The following KIF21B variants were observed in gnomAD, a reference collection of about 807,000 sequenced individuals.
KIF21B encodes the protein kinesin-like protein KIF21B.
KIF21B carries 85 observed loss-of-function variants against 192.9 expected under a neutral mutation model. That is an observed-to-expected ratio of 0.44 (90% CI 0.37 to 0.53). The LOEUF (loss-of-function observed/expected upper bound fraction) is 0.53, where lower values mean the gene tolerates loss of function less well. KIF21B is among the 20% of genes least tolerant of loss of function. KIF21B has a pLI of 0.00. For synonymous variants in KIF21B, 832 were observed against 884.6 expected (o/e 0.94, Z 1.05); for missense variants, 1,716 against 2,194.8 (o/e 0.78, Z 4.36).
Position 200,973,225 on chromosome 1 carries a change from C to G in KIF21B, c.*296G>C, listed in dbSNP as rs1449702221. On this transcript the variant is annotated 3_prime_UTR_variant, in exon 35 of 35. Coordinates refer to ENST00000461742, the MANE Select transcript of KIF21B (RefSeq NM_001252102.2). ...TGAGAAAGGGGCAGAGCCGGTTCAG[C>G]AGGAGACAATGTGGCCACGACTGCC... The G allele has an allele frequency of 2.8e-6, 1 of 355,116 alleles. No individual in the cohort carries two copies. The highest frequency in any genetic ancestry group is 4.9e-5 in the Admixed American group (1 of 20,572). The allele number at this position is 355,116 out of a possible 1,614,324, so 22.0% of individuals were successfully genotyped here. A position where few individuals can be genotyped will look rare whatever the true frequency, so the allele number is the denominator to read the frequency against.
chr1:200,987,057 C>T lies in KIF21B; in HGVS notation c.3553G>A (p.Asp1185Asn). The T allele has an allele frequency of 3.1e-6, 5 of 1,614,050 alleles. No individual in the cohort carries two copies. Among genetic ancestry groups the T allele is most frequent in the Non-Finnish European group, 4.2e-6 (5 of 1,180,018 alleles). ...KEDGVGFSVR[D>N]PYYRDRVSRT... ...GAGACCCTGTCCCGGTAATAGGGGT[C>T]TCGGACAGAGAAGCCCACTCCGTCC... Residue 1185 changes from aspartate (D) to asparagine (N), a missense_variant, in exon 25 of 35, where the codon GAC (aspartate) becomes AAC (asparagine). By Grantham distance (23) the Asp-to-Asn change is conservative (BLOSUM62 1). Coordinates refer to ENST00000461742, the MANE Select transcript of KIF21B (RefSeq NM_001252102.2).
At chr1:200,976,934 A>T in intron 31 of KIF21B, 41 bp from the exon 32 acceptor site, 3 of 1,484,726 alleles carry the variant, frequency 2.0e-6, no homozygotes, top group Non-Finnish European at 2.8e-6. Context: ...GGTGAATTAG[A>T]GGGGACCCTG....
At position 200,989,933 on chromosome 1, in the gene KIF21B, C is replaced by A. The variant is rs1375090409; in HGVS notation, c.3132+9G>T. The A allele has an allele frequency of 2.5e-6, 4 of 1,610,552 alleles. No homozygotes were observed. In the African/African-American group the frequency reaches 5.3e-5, roughly 22 times the overall value. On this transcript the variant is annotated intron_variant, in intron 21 of 34. Transcript: ENST00000461742. ...TAGAGCCCCCTGCCCATGTACGCTCCCAGCTTACCTTGTCAATGGATGCCT... is the reference window on the plus strand; with the variant it reads ...TAGAGCCCCCTGCCCATGTACGCTCACAGCTTACCTTGTCAATGGATGCCT...
At position 200,999,644 on chromosome 1, in the gene KIF21B, C is replaced by T. The variant is rs182780260; in HGVS notation, c.1768-178G>A. On this transcript the variant is annotated intron_variant, in intron 12 of 34. Transcript: ENST00000461742. The surrounding 1 kb of genome is among the most constrained non-coding windows in gnomAD (Gnocchi z 4.7). ...AGAGTGCCGCCTCCCCCAACACCAC[C>T]GCAGAACCCCTCTAGGAGGGCCTCC... Among the ~76,000 whole-genome samples the T allele has an allele frequency of 1.4e-3, 206 of 152,180 alleles. 2 individuals are homozygous for T. Among genetic ancestry groups the T allele is most frequent in the African/African-American group, 4.5e-3 (187 of 41,548 alleles).
intron 15 of KIF21B, among the ~76,000 whole-genome samples, chr1:200,995,382 G>A (rs1428077015): frequency 6.6e-6 from 1 of 152,224 alleles, no homozygotes; most frequent in Non-Finnish European, 1.5e-5. Flanking sequence ...GAGCAGGCAG[G>A]AATGTAGGAC....
At chr1:201,009,094 G>T in intron 2 of KIF21B, 143 bp from the exon 3 acceptor site, 1 of 1,193,092 alleles carries the variant, frequency 8.4e-7, no homozygotes, top group Non-Finnish European at 1.2e-6. Context: ...CCACACTCTG[G>T]GGAAATCACT....
intron 29 of KIF21B, 142 bp downstream of exon 29, chr1:200,980,818 C>A (rs996427518): frequency 9.6e-7 from 1 of 1,045,422 alleles, no homozygotes; most frequent in Non-Finnish European, 1.3e-6. Flanking sequence ...AGGTAAGAAA[C>A]AAGGGTAGTA....
Position 201,002,250 on chromosome 1 carries a change from AC to A in KIF21B, c.1312del (p.Val438Ter). ...ATCGATGGCCTCCTGCATGGCTTTC[AC>A]CCGCAGCCGCAGGGCCCCATTCTCC... Reference protein sequence around the residue: ...QKENGALRLRVKAMQEAIDAI... With the variant: ...QKENGALRLRXKAMQEAIDAI... On this transcript the variant is annotated frameshift_variant, in exon 9 of 35. Coordinates refer to ENST00000461742, the MANE Select transcript of KIF21B (RefSeq NM_001252102.2). LOFTEE classifies it high-confidence loss of function. 6.2e-7 allele frequency: 1 copy of A among 1,614,124 alleles called. No individual in the cohort carries two copies. Among genetic ancestry groups the A allele is most frequent in the Non-Finnish European group, 8.5e-7 (1 of 1,180,024 alleles).
chr1:200,995,079 C>T (rs939037287), intron 15 of KIF21B, among the ~76,000 whole-genome samples: 1 of 152,250 alleles, frequency 6.6e-6, no homozygotes, highest in Non-Finnish European at 1.5e-5. Context: ...GGCACAGAGC[C>T]TGCCCAGGTG....
At chr1:201,002,630 C>T (rs992090275) in intron 8 of KIF21B, 1 of 415,966 alleles carries the variant, frequency 2.4e-6, no homozygotes, top group Admixed American at 3.7e-5. Context: ...AGTGTATTTT[C>T]ATATCTCCAT....
chr1:200,979,618 G>C lies in KIF21B; in HGVS notation c.4077C>G (p.His1359Gln). 6.3e-7 allele frequency: 1 copy of C among 1,592,516 alleles called. No individual in the cohort carries two copies. The highest frequency in any genetic ancestry group is 8.5e-7 in the Non-Finnish European group (1 of 1,169,846). The change falls in exon 30 of 35, where the codon CAC becomes CAG. Residue 1359 changes from histidine (H) to glutamine (Q), a missense_variant. Coordinates refer to ENST00000461742, the MANE Select transcript of KIF21B (RefSeq NM_001252102.2). ...TGGACACGGAGAACACAAGCCCCGA[G>C]TGGCTGCAGTACTTGATGGAGACCA... ...NNVVSIKYCS[H>Q]SGLVFSVSTS...
rs1370448336 is a variant in KIF21B at position 201,005,399 on chromosome 1, G to T, written c.641C>A (p.Ala214Asp). The T allele has an allele frequency of 6.2e-7, 1 of 1,613,158 alleles. No individual in the cohort carries two copies. The highest frequency in any genetic ancestry group is 1.7e-5 in the Admixed American group (1 of 59,910). The change falls in exon 5 of 35, where the codon GCC (alanine) becomes GAC (aspartate). Residue 214 changes from alanine (A) to aspartate (D), a missense_variant. Coordinates refer to ENST00000461742, the MANE Select transcript of KIF21B (RefSeq NM_001252102.2). ...LKQGALSRTT[A>D]STQMNVQSSR... Reference sequence around the variant, plus strand: ...GCTCTGCACGTTCATCTGGGTGCTGGCTGTGGTGCGGGACAGGGCCCCCTG... The same window carrying T: ...GCTCTGCACGTTCATCTGGGTGCTGTCTGTGGTGCGGGACAGGGCCCCCTG...
intron 27 of KIF21B, 75 bp from the exon 28 acceptor site, chr1:200,983,169 G>T: frequency 7.7e-7 from 1 of 1,296,240 alleles, no homozygotes. Flanking sequence ...GGCGGCAGCA[G>T]TGTGTGGGGT....
Position 201,020,808 on chromosome 1 carries a change from T to TACACACACACACACACACACAC in KIF21B, c.41+2513_41+2534dup, listed in dbSNP as rs60686711. Among the ~76,000 whole-genome samples the TACACACACACACACACACACAC allele has an allele frequency of 1.2e-3, 169 of 142,914 alleles. 1 individual carries two copies. The highest frequency in any genetic ancestry group is 3.6e-3 in the African/African-American group (134 of 37,222). The allele number at this position is 142,914 out of a possible 152,430, so 93.8% of individuals were successfully genotyped here. A position where few individuals can be genotyped will look rare whatever the true frequency, so the allele number is the denominator to read the frequency against. On this transcript the variant is annotated intron_variant, in intron 1 of 34. Coordinates refer to ENST00000461742, the MANE Select transcript of KIF21B (RefSeq NM_001252102.2). ...TAATAGCCCTGGGACCTCTCTCCTC[T>TACACACACACACACACACACAC]ACACACACACACACACACACACACA...
rs61740473 is a variant in KIF21B at position 200,998,559 on chromosome 1, C to G, written c.1902G>C (p.Ala634=). The change falls in exon 14 of 35, where the codon GCG becomes GCC. Residue 634 remains alanine (A), a synonymous_variant. Coordinates refer to ENST00000461742, the MANE Select transcript of KIF21B (RefSeq NM_001252102.2). This position sits in a 1 kb window ranked among gnomAD's most constrained non-coding sequence, Gnocchi z 4.3. ...TCTCACAAGTCAGGTCGGCCAGGTC[C>G]GCCTGGAAGTTCACCTCTATGGGGG... is the stretch of plus-strand genomic sequence containing the variant. ...DPEEKEVNFQ[A]DLADLTCEIE... 0.016 allele frequency: 26,067 copies of G among 1,613,340 alleles called. 2,741 individuals are homozygous for G. The African/African-American group carries it at 0.26, about 16-fold the overall frequency.
chr1:200,973,007 GTTAGC>G lies in KIF21B; in HGVS notation c.*509_*513del, dbSNP rs2102362509. 6.5e-6 allele frequency: 1 copy of G among 153,948 alleles called. No individual in the cohort carries two copies. The highest frequency in any genetic ancestry group is 1.5e-5 in the Non-Finnish European group (1 of 68,910). 9.5% of individuals were successfully genotyped at this position (153,948 alleles called of 1,614,324 possible). On this transcript the variant is annotated 3_prime_UTR_variant, in exon 35 of 35. Coordinates refer to ENST00000461742, the MANE Select transcript of KIF21B (RefSeq NM_001252102.2). ...TCTGCGGGTTGCCAGAGGGTTAAGG[GTTAGC>G]TGCAAGGCCCAGCCGCCCACACCTG...
intron 1 of KIF21B, among the ~76,000 whole-genome samples, chr1:201,020,070 G>A (rs1359017567): frequency 6.6e-6 from 1 of 151,878 alleles, no homozygotes; most frequent in Admixed American, 6.6e-5. Context: ...ACTTAACCCT[G>A]TAGTATCAAC....
Position 201,023,452 on chromosome 1 carries a change from G to C in KIF21B, c.-69C>G. 8.5e-7 allele frequency: 1 copy of C among 1,181,512 alleles called. No homozygotes were observed. Among genetic ancestry groups the C allele is most frequent in the Non-Finnish European group, 1.1e-6 (1 of 921,736 alleles). The allele number at this position is 1,181,512 out of a possible 1,614,324, so 73.2% of individuals were successfully genotyped here. A position where few individuals can be genotyped will look rare whatever the true frequency, so the allele number is the denominator to read the frequency against. ...TCTGGGGGCCAATGCCCGAGGCAGCGGCTGCGGCTGCGGGAGGCGGGGGCG... is the reference window on the plus strand; with the variant it reads ...TCTGGGGGCCAATGCCCGAGGCAGCCGCTGCGGCTGCGGGAGGCGGGGGCG... On this transcript the variant is annotated 5_prime_UTR_variant, in exon 1 of 35. Transcript: ENST00000461742. The surrounding 1 kb of genome is among the most constrained non-coding windows in gnomAD (Gnocchi z 5.9).
chr1:200,975,591 C>T lies in KIF21B; in HGVS notation c.4522G>A (p.Glu1508Lys), dbSNP rs765924369. The T allele has an allele frequency of 5.0e-6, 8 of 1,613,942 alleles. No individual in the cohort carries two copies. Among genetic ancestry groups the T allele is most frequent in the African/African-American group, 1.3e-5 (1 of 74,930 alleles). Residue 1508 changes from glutamate (E) to lysine (K), a missense_variant, in exon 33 of 35, where the codon GAG (glutamate) becomes AAG (lysine). Around this residue, in one of 3 missense-constraint regions of KIF21B, gnomAD observed 580 missense variants for 775.5 expected, o/e 0.75. Coordinates refer to ENST00000461742, the MANE Select transcript of KIF21B (RefSeq NM_001252102.2). The surrounding 1 kb of genome is among the most constrained non-coding windows in gnomAD (Gnocchi z 4.3). ...ATGTCTCCCTGGATGGCGAGACACTCGATGCCATCGTAGTGCGGGGGCTCG... is the reference window on the plus strand; with the variant it reads ...ATGTCTCCCTGGATGGCGAGACACTTGATGCCATCGTAGTGCGGGGGCTCG... The part of the protein sequence containing the change: ...NFEPPHYDGI[E>K]CLAIQGDILF...
Sources: allele counts gnomAD v4.1 joint callset (sites outside exome capture counted in the v4.1 genomes callset), GRCh38; gene constraint gnomAD v4.1.1; regional missense constraint gnomAD v4.1.1; non-coding constraint Gnocchi (gnomAD v3.1); transcripts MANE v1.5; gene names NCBI Gene and HGNC (gene_info 2026-07-23, HGNC 2026-07-21).